FDPS: variants seen among roughly 807,000 people sequenced by gnomAD.
FDPS encodes the protein farnesyl diphosphate synthase.
FDPS carries 29 observed loss-of-function variants against 49.5 expected under a neutral mutation model. That is an observed-to-expected ratio of 0.59 (90% CI 0.44 to 0.80). FDPS has a LOEUF of 0.80. Among genes scored for constraint, FDPS ranks in the 30% least tolerant of loss-of-function variants. FDPS has a pLI of 0.00. For synonymous variants in FDPS, 172 were observed against 206.4 expected, an observed-to-expected ratio of 0.83 and a Z score of 1.43; for missense variants, 414 against 525.6, an observed-to-expected ratio of 0.79 and a Z score of 2.08.
intron 4 of FDPS, chr1:155,316,805 A>G (rs1239794398): frequency 6.6e-6 from 1 of 151,924 alleles, no homozygotes; most frequent in East Asian, 1.9e-4. Flanking sequence ...AAAAAAAAAA[A>G]GAAAAGCTAT....
At position 155,310,244 on chromosome 1, in the gene FDPS, C is replaced by T. The variant is rs1471533070; in HGVS notation, c.339+39C>T. On this transcript the variant is annotated intron_variant, in intron 3 of 10. Coordinates refer to ENST00000368356, the MANE Select transcript of FDPS (RefSeq NM_002004.4). ...GACTTGGGGGAGTAAGGCTTTGGTT[C>T]AGTTGCTCTGTACCTGTGTGGCATT... 3.1e-6 allele frequency: 5 copies of T among 1,604,554 alleles called. No individual in the cohort carries two copies. The East Asian group carries it at 8.9e-5, about 29-fold the overall frequency.
Position 155,309,873 on chromosome 1 carries a change from TTCCCTACGGC to T in FDPS, c.85_94del (p.Ser29GlyfsTer36). ...GGGCACCCCGGGAGAGGTGGCTGGG[TTCCCTACGGC>T]GGCCCTCCCTGGTGCACGGGTACCC... On this transcript the variant is annotated frameshift_variant, in exon 2 of 11. Transcript: ENST00000368356. LOFTEE classifies it high-confidence loss of function. 1 of 1,590,124 alleles carries T rather than the reference TTCCCTACGGC, an allele frequency of 6.3e-7. No homozygotes were observed. The highest frequency in any genetic ancestry group is 8.6e-7 in the Non-Finnish European group (1 of 1,167,162).
chr1:155,320,039 AT>A, intron 10 of FDPS, 111 bp downstream of exon 10: 2 of 1,281,500 alleles, frequency 1.6e-6, no homozygotes, highest in Non-Finnish European at 2.2e-6. Context: ...GTCAGCAGAC[AT>A]TTTTTGCCAT....
intron 4 of FDPS, among the ~76,000 whole-genome samples, chr1:155,315,362 T>C (rs898355754): frequency 6.6e-6 from 1 of 151,726 alleles, no homozygotes; most frequent in Non-Finnish European, 1.5e-5. Context: ...CTGACCAACA[T>C]GGGGAAACCC....
At chr1:155,311,026 C>T (rs1648743352) in intron 3 of FDPS, among the ~76,000 whole-genome samples, 1 of 151,874 alleles carries the variant, frequency 6.6e-6, no homozygotes, top group Non-Finnish European at 1.5e-5. Flanking sequence ...GGGGGCTTTG[C>T]CTATACTGGA....
At chr1:155,320,197 C>G in intron 10 of FDPS, 1 of 644,716 alleles carries the variant, frequency 1.6e-6, no homozygotes, top group Non-Finnish European at 2.7e-6. Context: ...GTGGAGAAAC[C>G]CTGGAGTAGA....
rs1401519314 is a variant in FDPS at position 155,318,216 on chromosome 1, AT to A, written c.610del (p.Cys204ValfsTer6). Reference protein sequence around the residue: ...AINDANLLEACIYRLLKLYCR... With the variant: ...AINDANLLEAXIYRLLKLYCR... Reference sequence around the variant, plus strand: ...TCAATGATGCTAACCTCCTGGAAGCATGTATCTACCGCCTGCTGAAGCTCTA... The same window carrying A: ...TCAATGATGCTAACCTCCTGGAAGCAGTATCTACCGCCTGCTGAAGCTCTA... On this transcript the variant is annotated frameshift_variant, in exon 6 of 11. Coordinates refer to ENST00000368356, the MANE Select transcript of FDPS (RefSeq NM_002004.4). LOFTEE classifies it high-confidence loss of function. This position sits in a 1 kb window ranked among gnomAD's most constrained non-coding sequence, Gnocchi z 4.2. 6.2e-7 allele frequency: 1 copy of A among 1,613,952 alleles called. No homozygotes were observed. Among genetic ancestry groups the A allele is most frequent in the African/African-American group, 1.3e-5 (1 of 74,892 alleles).
intron 3 of FDPS, among the ~76,000 whole-genome samples, chr1:155,311,502 G>T (rs1433836048): frequency 1.3e-5 from 2 of 152,088 alleles, no homozygotes; most frequent in South Asian, 2.1e-4. Flanking sequence ...AATGAAGGAG[G>T]CTTTTCATTT....
At chr1:155,312,557 T>A in intron 4 of FDPS, 162 bp downstream of exon 4, 1 of 699,788 alleles carries the variant, frequency 1.4e-6, no homozygotes, top group Non-Finnish European at 2.4e-6. Flanking sequence ...AAGGGTTAAC[T>A]AATGTGGGGA....
At chr1:155,316,675 C>G (rs1368766065) in intron 4 of FDPS, among the ~76,000 whole-genome samples, 1 of 151,836 alleles carries the variant, frequency 6.6e-6, no homozygotes, top group African/African-American at 2.4e-5. Flanking sequence ...CCTGTAGTCC[C>G]AGCTACTTGG....
intron 4 of FDPS, among the ~76,000 whole-genome samples, chr1:155,314,885 C>A (rs952010043): frequency 6.6e-6 from 1 of 151,626 alleles, no homozygotes; most frequent in African/African-American, 2.4e-5. Flanking sequence ...AATTAATTAT[C>A]TTGGAGACCA....
At position 155,318,339 on chromosome 1, in the gene FDPS, T is replaced by A; in HGVS notation, c.684+48T>A. 1.9e-6 allele frequency: 3 copies of A among 1,602,210 alleles called. No homozygotes were observed. Among genetic ancestry groups the A allele is most frequent in the South Asian group, 2.2e-5 (2 of 90,880 alleles). ...TGCCCAGAGGGTGCCCATGGTAGCC[T>A]TGGCCTCTATAGGACATGCTCATCT... On this transcript the variant is annotated intron_variant, in intron 6 of 10. Transcript: ENST00000368356. This position sits in a 1 kb window ranked among gnomAD's most constrained non-coding sequence, Gnocchi z 4.2.
At position 155,317,858 on chromosome 1, in the gene FDPS, A is replaced by G. The variant is rs1649655439; in HGVS notation, c.481-83A>G. 4.0e-6 allele frequency: 5 copies of G among 1,260,928 alleles called. No homozygotes were observed. The South Asian group carries it at 6.5e-5, about 17-fold the overall frequency. The allele number at this position is 1,260,928 out of a possible 1,614,324, so 78.1% of individuals were successfully genotyped here. ...CCCTACCAAAAAAAAGCAAAACTAT[A>G]TACAGATATAAAGTAGCAGCTCTGT... On this transcript the variant is annotated intron_variant, in intron 4 of 10. Transcript: ENST00000368356.
intron 1 of FDPS, 78 bp from the exon 2 acceptor site, chr1:155,309,711 G>C: frequency 7.7e-7 from 1 of 1,297,834 alleles, no homozygotes; most frequent in Non-Finnish European, 1.0e-6. Flanking sequence ...GTTATCTGGG[G>C]AGCTGCCACC....
intron 4 of FDPS, chr1:155,317,704 G>T: frequency 2.4e-6 from 1 of 411,868 alleles, no homozygotes; most frequent in South Asian, 4.1e-5. Context: ...AAATAGCCAG[G>T]CATGGGGTAT....
intron 3 of FDPS, among the ~76,000 whole-genome samples, chr1:155,311,820 A>G (rs925401952): frequency 1.3e-5 from 2 of 152,096 alleles, no homozygotes; most frequent in African/African-American, 2.4e-5. Context: ...TAAAAATACA[A>G]AAATTAGATG....
intron 4 of FDPS, among the ~76,000 whole-genome samples, chr1:155,313,899 A>T (rs757899785): frequency 2.0e-5 from 3 of 151,658 alleles, no homozygotes; most frequent in African/African-American, 4.9e-5. Flanking sequence ...GCTCACTGCA[A>T]CCTCTGCCTC....
Position 155,310,044 on chromosome 1 carries a change from G to A in FDPS, c.178G>A (p.Ala60Thr). The change falls in exon 3 of 11, where the codon GCC (alanine) becomes ACC (threonine). Residue 60 changes from alanine to threonine, a missense_variant and splice_region_variant. Physicochemically the swap from Ala to Thr is moderately conservative, Grantham distance 58. Coordinates refer to ENST00000368356, the MANE Select transcript of FDPS (RefSeq NM_002004.4). ...CTGACTTGTTTTTCTTCTACTTAGA[G>A]CCCTTTGCTCCTCCCTCAGAATGAA... ...WCQAWTEEPR[A>T]LCSSLRMNGD... is the part of the protein sequence containing the mutation. 1.2e-6 allele frequency: 2 copies of A among 1,613,316 alleles called. No homozygotes were observed. Among genetic ancestry groups the A allele is most frequent in the Non-Finnish European group, 1.7e-6 (2 of 1,180,026 alleles).
chr1:155,318,250 G>A lies in FDPS; in HGVS notation c.643G>A (p.Glu215Lys), dbSNP rs1337908935. ...IYRLLKLYCR[E>K]QPYYLNLIEL... is the part of the protein sequence containing the mutation. ...CCGCCTGCTGAAGCTCTATTGCCGG[G>A]AGCAGCCCTATTACCTGAACCTGAT... The change falls in exon 6 of 11, where the codon GAG (glutamate) becomes AAG (lysine). Residue 215 changes from glutamate (E) to lysine (K), a missense_variant. Transcript: ENST00000368356. The surrounding 1 kb of genome is among the most constrained non-coding windows in gnomAD (Gnocchi z 4.2). The A allele has an allele frequency of 6.2e-7, 1 of 1,613,662 alleles. No individual in the cohort carries two copies. The highest frequency in any genetic ancestry group is 1.7e-5 in the Admixed American group (1 of 60,014).
Sources: allele counts gnomAD v4.1 joint callset (sites outside exome capture counted in the v4.1 genomes callset), GRCh38; gene constraint gnomAD v4.1.1; non-coding constraint Gnocchi (gnomAD v3.1); transcripts MANE v1.5; gene names NCBI Gene and HGNC (gene_info 2026-07-23, HGNC 2026-07-21).